Variants in UTP18 observed in about 807,000 individuals in gnomAD.
The protein encoded by UTP18 is U3 small nucleolar RNA-associated protein 18 homolog.
In UTP18, 36 loss-of-function variants were observed where a neutral mutation model predicts 61.1. That is an observed-to-expected ratio of 0.59 (90% confidence interval 0.45 to 0.78). The LOEUF (loss-of-function observed/expected upper bound fraction) is 0.78, where lower values mean the gene tolerates loss of function less well. Ranked by LOEUF, UTP18 falls within the 30% of genes least tolerant of loss-of-function variation. UTP18 has a pLI of 0.00. For missense variants in UTP18, 753 were observed against 693.9 expected, an observed-to-expected ratio of 1.09 and a Z score of -0.96; for synonymous variants, 282 against 251.1, an observed-to-expected ratio of 1.12 and a Z score of -1.16.
rs1336267276 is a variant in UTP18, at chr17:51,288,468, T to G, written c.1503+265T>G. 4 of 487,236 alleles carry G rather than the reference T, an allele frequency of 8.2e-6. No individual in the cohort carries two copies. The Admixed American group carries it at 1.0e-4, about 13-fold the overall frequency. The allele number at this position is 487,236 out of a possible 1,614,324, so 30.2% of individuals were successfully genotyped here. On this transcript the variant is annotated intron_variant, in intron 11 of 13. Transcript: ENST00000225298. ...TGGTCCTCATTTTCAGAGGTTTCTT[T>G]TAGTATTAATGTTAAGGACTATATT...
At chr17:51,293,060 A>AT (rs1295588673) in intron 11 of UTP18, among the ~76,000 whole-genome samples, 1 of 152,170 alleles carries the variant, frequency 6.6e-6, no homozygotes, top group African/African-American at 2.4e-5. Context: ...ATAATGTTTA[A>AT]TTTTTTTCAC....
intron 7 of UTP18, among the ~76,000 whole-genome samples, chr17:51,278,411 T>C (rs1904802236): frequency 6.6e-6 from 1 of 152,202 alleles, no homozygotes; most frequent in East Asian, 1.9e-4. Context: ...TACATGTCAT[T>C]TCACTATTCA....
chr17:51,283,169 ACTT>A lies in UTP18; in HGVS notation c.1205-2072_1205-2070del, dbSNP rs554090897. 3.9e-4 allele frequency among the ~76,000 whole-genome samples: 52 copies of A among 133,258 alleles called. No homozygotes were observed. The East Asian group carries it at 8.8e-3, about 23-fold the overall frequency. 87.4% of individuals were successfully genotyped at this position (133,258 alleles called of 152,430 possible). A position where few individuals can be genotyped will look rare whatever the true frequency, so the allele number is the denominator to read the frequency against. On this transcript the variant is annotated intron_variant, in intron 9 of 13. Coordinates refer to ENST00000225298, the MANE Select transcript of UTP18 (RefSeq NM_016001.3). ...CAGGCGTGAGCCACCGCGCCCAGCC[ACTT>A]CTTTTTTTTTTTTTCAGACTGAGTC... is the stretch of plus-strand genomic sequence containing the variant.
chr17:51,276,120 G>A, intron 6 of UTP18, 129 bp downstream of exon 6: 2 of 946,098 alleles, frequency 2.1e-6, no homozygotes, highest in Non-Finnish European at 1.5e-6. Context: ...CCGAAGCATA[G>A]CTAAGTCTCA....
intron 7 of UTP18, 31 bp downstream of exon 7, chr17:51,277,335 T>G: frequency 6.2e-7 from 1 of 1,609,152 alleles, no homozygotes; most frequent in Non-Finnish European, 8.5e-7. Flanking sequence ...ACACAACCAG[T>G]CATTCCCCCC....
chr17:51,291,489 C>CT (rs1567707244), intron 11 of UTP18, among the ~76,000 whole-genome samples: 1 of 152,120 alleles, frequency 6.6e-6, no homozygotes. Flanking sequence ...AATCCCAGCA[C>CT]TTTGAGAGGT....
Position 51,260,721 on chromosome 17 carries a change from C to T in UTP18, c.137C>T (p.Ser46Phe), listed in dbSNP as rs750296742. The T allele has an allele frequency of 1.1e-5, 18 of 1,597,490 alleles. No homozygotes were observed. The African/African-American group carries it at 1.6e-4, about 14-fold the overall frequency. ...GGPPQKPAPS[S>F]QRKPPARPSA... ...CCTCCCCAAAAGCCTGCCCCTTCAT[C>T]CCAGCGGAAACCGCCGGCCCGGCCG... The change falls in exon 1 of 14, where the codon TCC (serine) becomes TTC (phenylalanine). Residue 46 changes from serine to phenylalanine, a missense_variant. Physicochemically the swap from Ser to Phe is radical, Grantham distance 155. Transcript: ENST00000225298.
intron 9 of UTP18, among the ~76,000 whole-genome samples, chr17:51,281,186 T>C (rs919330398): frequency 6.7e-6 from 1 of 148,472 alleles, no homozygotes; most frequent in African/African-American, 2.5e-5. Flanking sequence ...CGAAAAGTTG[T>C]GTTTGGTTTT....
intron 10 of UTP18, chr17:51,286,579 G>C (rs1905123453): frequency 4.4e-6 from 2 of 456,144 alleles, no homozygotes; most frequent in Non-Finnish European, 4.4e-6. Context: ...TGTGGAGCTT[G>C]GAGACCAGGC....
Position 51,266,253 on chromosome 17 carries a change from A to G in UTP18, c.527A>G (p.Asp176Gly). The G allele has an allele frequency of 6.2e-7, 1 of 1,601,636 alleles. No individual in the cohort carries two copies. The highest frequency in any genetic ancestry group is 1.1e-5 in the South Asian group (1 of 88,180). ...GCTAGTGAAAGTAAACTTTCGAAAG[A>G]CAACCTTAAAAAGAGACTTAAAGAA... The part of the protein sequence containing the change: ...KNASESKLSK[D>G]NLKKRLKEEF... The change falls in exon 3 of 14, where the codon GAC becomes GGC. Residue 176 changes from aspartate (D) to glycine (G), a missense_variant. By Grantham distance (94) the Asp-to-Gly change is moderately conservative. Coordinates refer to ENST00000225298, the MANE Select transcript of UTP18 (RefSeq NM_016001.3).
At chr17:51,264,580 G>C (rs1204719188) in intron 2 of UTP18, among the ~76,000 whole-genome samples, 1 of 139,498 alleles carries the variant, frequency 7.2e-6, no homozygotes, top group African/African-American at 2.6e-5. Flanking sequence ...TCCATTCTTA[G>C]ACACAATGGT....
At chr17:51,270,294 C>T (rs899848516) in intron 4 of UTP18, among the ~76,000 whole-genome samples, 2 of 152,160 alleles carry the variant, frequency 1.3e-5, no homozygotes, top group African/African-American at 4.8e-5. Context: ...TGGGAAGCCT[C>T]TTTCCATGTT....
intron 5 of UTP18, among the ~76,000 whole-genome samples, 159 bp downstream of exon 5, chr17:51,273,609 T>TA (rs1904608062): frequency 6.6e-6 from 1 of 151,578 alleles, no homozygotes; most frequent in Admixed American, 6.6e-5. Context: ...TTTTTTTTTT[T>TA]TCCTTTTGCA....
chr17:51,261,375 A>G (rs893268005), intron 1 of UTP18, among the ~76,000 whole-genome samples: 4 of 152,328 alleles, frequency 2.6e-5, no homozygotes, highest in African/African-American at 9.6e-5. Flanking sequence ...GAGACCCACC[A>G]TGTTTTGAGA....
At chr17:51,283,142 T>C (rs569932172) in intron 9 of UTP18, among the ~76,000 whole-genome samples, 2 of 151,284 alleles carry the variant, frequency 1.3e-5, no homozygotes, top group East Asian at 3.9e-4. Context: ...GTGCTAGGAT[T>C]ACAGGCGTGA....
intron 1 of UTP18, 130 bp downstream of exon 1, chr17:51,261,056 A>C: frequency 1.2e-6 from 1 of 840,732 alleles, no homozygotes; most frequent in Non-Finnish European, 1.6e-6. Context: ...GAGCCCGAGA[A>C]CGCGGGCGCG....
chr17:51,285,378 G>C lies in UTP18; in HGVS notation c.1328+10G>C, dbSNP rs747498769. The C allele has an allele frequency of 6.2e-7, 1 of 1,611,060 alleles. No individual in the cohort carries two copies. Among genetic ancestry groups the C allele is most frequent in the Non-Finnish European group, 8.5e-7 (1 of 1,177,722 alleles). On this transcript the variant is annotated intron_variant, in intron 10 of 13. Coordinates refer to ENST00000225298, the MANE Select transcript of UTP18 (RefSeq NM_016001.3). ...AGTATGTTGCTTGTGGGTAAGTAAA[G>C]AGAGGTTCTTGTAACCTTAATCACA... is the stretch of plus-strand genomic sequence containing the variant.
intron 10 of UTP18, 137 bp from the exon 11 acceptor site, chr17:51,287,892 C>T: frequency 1.8e-6 from 1 of 563,966 alleles, no homozygotes; most frequent in East Asian, 3.5e-5. Context: ...ACATCTGTGG[C>T]TATAGTGGTG....
At chr17:51,280,173 T>A in intron 8 of UTP18, 68 bp downstream of exon 8, 1 of 1,482,384 alleles carries the variant, frequency 6.7e-7, no homozygotes, top group Non-Finnish European at 9.3e-7. Flanking sequence ...TCTTGCACCT[T>A]AACTCAGTGT....
Sources: gnomAD v4.1 joint callset for allele counts (sites outside exome capture counted in the v4.1 genomes callset) on GRCh38, gnomAD v4.1.1 for gene constraint, MANE v1.5 for transcripts, NCBI Gene and HGNC (gene_info 2026-07-23, HGNC 2026-07-21) for gene names.